Variants in SH3PXD2A observed in about 807,000 individuals in gnomAD.
SH3PXD2A encodes SH3 and PX domains 2A.
In SH3PXD2A, 32 loss-of-function variants were observed where a neutral mutation model predicts 115.2. That is an observed-to-expected ratio of 0.28 (90% CI 0.21 to 0.37). SH3PXD2A has a LOEUF of 0.37. SH3PXD2A is among the 10% of genes least tolerant of loss of function. The pLI, the probability that SH3PXD2A is intolerant of heterozygous loss-of-function variation, is 1.00. For missense variants in SH3PXD2A, 1,328 were observed against 1,498.7 expected (o/e 0.89, Z 1.88); for synonymous variants, 610 against 629.1 (o/e 0.97, Z 0.45).
At chr10:103,657,229 A>G (rs745536140) in intron 8 of SH3PXD2A, among the ~76,000 whole-genome samples, 25 of 151,764 alleles carry the variant, frequency 1.6e-4, no homozygotes, top group Non-Finnish European at 4.4e-5. Context: ...GGCAGGAAAA[A>G]TTTTGTTGAC....
intron 1 of SH3PXD2A, among the ~76,000 whole-genome samples, chr10:103,837,099 G>T (rs554281281): frequency 6.6e-5 from 10 of 152,300 alleles, no homozygotes; most frequent in Non-Finnish European, 1.3e-4. Flanking sequence ...TGCACTGACT[G>T]AGCTCCTCCC....
At chr10:103,851,557 G>A (rs1842897133) in intron 1 of SH3PXD2A, among the ~76,000 whole-genome samples, 1 of 152,172 alleles carries the variant, frequency 6.6e-6, no homozygotes, top group African/African-American at 2.4e-5. Flanking sequence ...AACCTGACCT[G>A]CATTGCCCTA....
intron 2 of SH3PXD2A, among the ~76,000 whole-genome samples, chr10:103,782,827 C>CAAAAAAAAAA (rs1177829829): frequency 1.5e-4 from 7 of 45,346 alleles, no homozygotes; most frequent in Admixed American, 2.2e-4. Context: ...TCCATCTCTC[C>CAAAAAAAAAA]AAAAAAAAAA....
Position 103,712,637 on chromosome 10 carries a change from T to C in SH3PXD2A, c.398+11633A>G, listed in dbSNP as rs115512291. Among the ~76,000 whole-genome samples, 720 of 152,354 alleles carry C rather than the reference T, an allele frequency of 4.7e-3. 7 individuals carry two copies. The highest frequency in any genetic ancestry group is 0.017 in the African/African-American group (699 of 41,574). On this transcript the variant is annotated intron_variant, in intron 5 of 14. Transcript: ENST00000369774. ...AGCAAACCTTGTACCTTTTCAGGGA[T>C]GTGGCCCAGCAGGAAACCTGGGTTC...
chr10:103,829,605 G>A (rs773150062), intron 1 of SH3PXD2A, among the ~76,000 whole-genome samples: 11 of 152,216 alleles, frequency 7.2e-5, no homozygotes, highest in African/African-American at 2.2e-4. Context: ...GTGCAAGGAC[G>A]GAGGGAGGCA....
At chr10:103,664,300 G>C (rs1246040466) in intron 7 of SH3PXD2A, among the ~76,000 whole-genome samples, 2 of 152,230 alleles carry the variant, frequency 1.3e-5, no homozygotes, top group African/African-American at 4.8e-5. Flanking sequence ...AGCCCGCAAG[G>C]CCTGAGTATG....
chr10:103,814,288 T>TA (rs1389880868), intron 1 of SH3PXD2A, among the ~76,000 whole-genome samples: 1 of 152,176 alleles, frequency 6.6e-6, no homozygotes, highest in Non-Finnish European at 1.5e-5. Flanking sequence ...CATCAGCGAC[T>TA]AAGGGGTCAG....
intron 1 of SH3PXD2A, among the ~76,000 whole-genome samples, chr10:103,821,611 A>T: frequency 6.7e-6 from 1 of 148,608 alleles, no homozygotes; most frequent in South Asian, 2.1e-4. Flanking sequence ...GGAGTGCAAT[A>T]GCATGATCTC....
At chr10:103,805,687 T>C (rs1346090139) in intron 1 of SH3PXD2A, among the ~76,000 whole-genome samples, 1 of 152,226 alleles carries the variant, frequency 6.6e-6, no homozygotes, top group East Asian at 1.9e-4. Context: ...GCCCGGGAGT[T>C]TGAGACTGGC....
Position 103,746,900 on chromosome 10 carries a change from T to C in SH3PXD2A, c.230-11092A>G, listed in dbSNP as rs2038510242. The C allele has an allele frequency of 6.6e-6, 1 of 152,340 alleles. No homozygotes were observed. Among genetic ancestry groups the C allele is most frequent in the Non-Finnish European group, 1.5e-5 (1 of 68,118 alleles). 9.4% of individuals were successfully genotyped at this position (152,340 alleles called of 1,614,324 possible). A position where few individuals can be genotyped will look rare whatever the true frequency, so the allele number is the denominator to read the frequency against. On this transcript the variant is annotated intron_variant, in intron 3 of 14. Coordinates refer to ENST00000369774, the MANE Select transcript of SH3PXD2A (RefSeq NM_001394015.1). The surrounding 1 kb of genome is among the most constrained non-coding windows in gnomAD (Gnocchi z 4.4). ...CATTGGGAGGCCTTTGGTGGCCATGTGCCCTCTCTCTCCGGCCTCCGTTGT... is the reference window on the plus strand; with the variant it reads ...CATTGGGAGGCCTTTGGTGGCCATGCGCCCTCTCTCTCCGGCCTCCGTTGT...
At chr10:103,720,515 G>A (rs1190549906) in intron 5 of SH3PXD2A, among the ~76,000 whole-genome samples, 1 of 152,162 alleles carries the variant, frequency 6.6e-6, no homozygotes, top group Admixed American at 6.6e-5. Context: ...AAGGGAAGAC[G>A]GTCCCCCACC....
At chr10:103,690,074 G>A (rs2037727956) in intron 6 of SH3PXD2A, among the ~76,000 whole-genome samples, 1 of 152,168 alleles carries the variant, frequency 6.6e-6, no homozygotes, top group African/African-American at 2.4e-5. Flanking sequence ...GTTTGCCAAG[G>A]ACTGTGTGTG....
chr10:103,759,179 A>G (rs1403301900), intron 3 of SH3PXD2A, among the ~76,000 whole-genome samples: 1 of 152,184 alleles, frequency 6.6e-6, no homozygotes, highest in African/African-American at 2.4e-5. Context: ...CCCGGAGAAC[A>G]TGCTTGCAAT....
chr10:103,808,828 C>T (rs2039234681), intron 1 of SH3PXD2A, among the ~76,000 whole-genome samples: 1 of 152,158 alleles, frequency 6.6e-6, no homozygotes, highest in Non-Finnish European at 1.5e-5. Flanking sequence ...TCCTCTTCTC[C>T]CCCGAGGCTC....
chr10:103,613,659 G>A (rs1284846796), intron 11 of SH3PXD2A, among the ~76,000 whole-genome samples: 1 of 152,220 alleles, frequency 6.6e-6, no homozygotes, highest in Non-Finnish European at 1.5e-5. Flanking sequence ...TGAGAGTCAG[G>A]CAGTCTGAGT....
In SH3PXD2A at chr10:103,811,710, A is replaced by G. The variant is rs139049234; in HGVS notation, c.73-10348T>C. On this transcript the variant is annotated intron_variant, in intron 1 of 14. Transcript: ENST00000369774. ...CAGTTGGTGACAGAGACAATGATCTATCTGTCAATACTGAGGCCGCCCATG... is the reference window on the plus strand; with the variant it reads ...CAGTTGGTGACAGAGACAATGATCTGTCTGTCAATACTGAGGCCGCCCATG... Among the ~76,000 whole-genome samples, 129 of 152,318 alleles carry G rather than the reference A, an allele frequency of 8.5e-4. 2 individuals carry two copies. The highest frequency in any genetic ancestry group is 2.9e-3 in the African/African-American group (120 of 41,566).
chr10:103,853,155 C>T (rs1283215191), intron 1 of SH3PXD2A, among the ~76,000 whole-genome samples: 3 of 152,256 alleles, frequency 2.0e-5, no homozygotes, highest in East Asian at 1.9e-4. Context: ...GGAGATGTCC[C>T]GGGAAACACT....
intron 6 of SH3PXD2A, among the ~76,000 whole-genome samples, chr10:103,688,415 A>C (rs761258618): frequency 3.9e-5 from 6 of 152,230 alleles, no homozygotes; most frequent in Non-Finnish European, 7.3e-5. Flanking sequence ...GACAGAGAAG[A>C]AGCAAGCAAA....
chr10:103,814,022 A>C (rs1041581408), intron 1 of SH3PXD2A, among the ~76,000 whole-genome samples: 6 of 148,688 alleles, frequency 4.0e-5, no homozygotes, highest in East Asian at 1.9e-4. Flanking sequence ...AAAACAACAA[A>C]AAAAAAACCA....
Sources: allele counts gnomAD v4.1 joint callset (sites outside exome capture counted in the v4.1 genomes callset), GRCh38; gene constraint gnomAD v4.1.1; non-coding constraint Gnocchi (gnomAD v3.1); transcripts MANE v1.5; gene names NCBI Gene and HGNC (gene_info 2026-07-23, HGNC 2026-07-21).